The following PRKAG2 variants were observed in gnomAD, a reference collection of about 807,000 sequenced individuals.
PRKAG2 encodes protein kinase AMP-activated non-catalytic subunit gamma 2, also known as 5'-AMP-activated protein kinase subunit gamma-2.
In PRKAG2, 26 loss-of-function variants were observed where a neutral mutation model predicts 69.6. The observed-to-expected ratio is 0.37, with a 90% CI of 0.27 to 0.52. The LOEUF (loss-of-function observed/expected upper bound fraction) is 0.52. Ranked by LOEUF, PRKAG2 falls within the 20% of genes least tolerant of loss-of-function variation. PRKAG2 has a pLI of 0.90. For missense variants in PRKAG2, 557 were observed against 740.0 expected (o/e 0.75, Z 2.87); for synonymous variants, 293 against 285.0 (o/e 1.03, Z -0.28).
rs1009310717 is a variant in PRKAG2 at position 151,638,430 on chromosome 7, C to A, written c.685-6292G>T. ...CGGGCGGATCACAAGGTCAGGAGAT[C>A]GAGACCATCCTGGCCAACATGGTGA... On this transcript the variant is annotated intron_variant, in intron 4 of 15. Coordinates refer to ENST00000287878, the MANE Select transcript of PRKAG2 (RefSeq NM_016203.4). This position sits in a 1 kb window ranked among gnomAD's most constrained non-coding sequence, Gnocchi z 4.3. Among the ~76,000 whole-genome samples the A allele has an allele frequency of 6.6e-6, 1 of 152,088 alleles. No homozygotes were observed. The highest frequency in any genetic ancestry group is 2.4e-5 in the African/African-American group (1 of 41,400).
Position 151,807,588 on chromosome 7 carries a change from G to T in PRKAG2, c.115-21047C>A, listed in dbSNP as rs916480930. ...GCGTAGATGCACAGCTGCCACGGAG[G>T]TAGGAAGAATGATTCGTTTGCCACC... On this transcript the variant is annotated intron_variant, in intron 1 of 15. Coordinates refer to ENST00000287878, the MANE Select transcript of PRKAG2 (RefSeq NM_016203.4). This position sits in a 1 kb window ranked among gnomAD's most constrained non-coding sequence, Gnocchi z 4.4. 2.2e-6 allele frequency: 1 copy of T among 457,730 alleles called. No homozygotes were observed. The highest frequency in any genetic ancestry group is 4.4e-6 in the Non-Finnish European group (1 of 226,984). 28.4% of individuals were successfully genotyped at this position (457,730 alleles called of 1,614,324 possible).
intron 4 of PRKAG2, among the ~76,000 whole-genome samples, chr7:151,639,895 A>G (rs999294150): frequency 2.6e-5 from 4 of 152,066 alleles, no homozygotes; most frequent in Non-Finnish European, 5.9e-5. Context: ...CAGTCAGTCA[A>G]TCAATCAATC....
chr7:151,676,001 T>C (rs1383476742), intron 3 of PRKAG2, among the ~76,000 whole-genome samples: 1 of 152,152 alleles, frequency 6.6e-6, no homozygotes, highest in Non-Finnish European at 1.5e-5. Flanking sequence ...ATCCCCTCAT[T>C]GGGAACGGGG....
intron 3 of PRKAG2, among the ~76,000 whole-genome samples, chr7:151,701,177 G>A (rs1037616679): frequency 6.6e-6 from 1 of 152,186 alleles, no homozygotes; most frequent in Non-Finnish European, 1.5e-5. Flanking sequence ...TCACTGGGCC[G>A]GGGGAGGAGG....
intron 3 of PRKAG2, among the ~76,000 whole-genome samples, chr7:151,710,288 A>G (rs1371279075): frequency 6.6e-6 from 1 of 152,114 alleles, no homozygotes; most frequent in Non-Finnish European, 1.5e-5. Flanking sequence ...GCCTGTCTCT[A>G]TCTCAGTGCG....
Position 151,807,634 on chromosome 7 carries a change from AG to A in PRKAG2, c.115-21094del, listed in dbSNP as rs2078182779. On this transcript the variant is annotated intron_variant, in intron 1 of 15. Transcript: ENST00000287878. This position sits in a 1 kb window ranked among gnomAD's most constrained non-coding sequence, Gnocchi z 4.4. ...CCACCAAAAGCCCAGTTTCTCCAAC[AG>A]GTAAGTCCCAGCAGGGTGCGATGTC... 2.2e-6 allele frequency: 1 copy of A among 457,626 alleles called. No homozygotes were observed. The highest frequency in any genetic ancestry group is 2.0e-5 in the African/African-American group (1 of 50,086). 28.3% of individuals were successfully genotyped at this position (457,626 alleles called of 1,614,324 possible).
intron 6 of PRKAG2, among the ~76,000 whole-genome samples, chr7:151,586,958 C>T (rs1162824074): frequency 1.3e-5 from 2 of 152,086 alleles, no homozygotes; most frequent in South Asian, 2.1e-4. Context: ...GTCAGGAGTT[C>T]GAGACCAGAC....
intron 8 of PRKAG2, among the ~76,000 whole-genome samples, chr7:151,573,845 C>T (rs1341986382): frequency 6.6e-6 from 1 of 152,174 alleles, no homozygotes; most frequent in East Asian, 1.9e-4. Flanking sequence ...ATGGCGCGAT[C>T]TCGGCTCACT....
chr7:151,601,575 A>T (rs958741920), intron 5 of PRKAG2, among the ~76,000 whole-genome samples: 1 of 152,156 alleles, frequency 6.6e-6, no homozygotes, highest in Non-Finnish European at 1.5e-5. Context: ...GCTATGAGGG[A>T]GGATGCTCTG....
intron 6 of PRKAG2, among the ~76,000 whole-genome samples, chr7:151,592,893 C>T (rs1035440294): frequency 2.1e-4 from 32 of 152,118 alleles, no homozygotes; most frequent in African/African-American, 7.5e-4. Flanking sequence ...TTTTCAAATA[C>T]ATCTTTTTAC....
Position 151,781,718 on chromosome 7 carries a change from G to A in PRKAG2, c.187-287C>T, listed in dbSNP as rs112201244. Reference sequence around the variant, plus strand: ...CTTCCAGGAGGTAGAGGGGAGGAAGGGAAGCGGAGCTCAAAATGAGCGTCT... The same window carrying A: ...CTTCCAGGAGGTAGAGGGGAGGAAGAGAAGCGGAGCTCAAAATGAGCGTCT... On this transcript the variant is annotated intron_variant, in intron 2 of 15. Transcript: ENST00000287878. The surrounding 1 kb of genome is among the most constrained non-coding windows in gnomAD (Gnocchi z 6.1). Among the ~76,000 whole-genome samples the A allele has an allele frequency of 1.5e-3, 224 of 152,298 alleles. No homozygotes were observed. The highest frequency in any genetic ancestry group is 4.3e-3 in the African/African-American group (177 of 41,572).
intron 13 of PRKAG2, 117 bp downstream of exon 13, chr7:151,565,229 C>T (rs1206195073): frequency 2.3e-6 from 2 of 868,720 alleles, no homozygotes; most frequent in African/African-American, 1.7e-5. Flanking sequence ...AATATCCTCA[C>T]ACCCCAAAAG....
At chr7:151,726,477 G>C (rs1028009344) in intron 3 of PRKAG2, among the ~76,000 whole-genome samples, 1 of 151,914 alleles carries the variant, frequency 6.6e-6, no homozygotes, top group Non-Finnish European at 1.5e-5. Context: ...ATCTTAGTAC[G>C]AGTCCAACAG....
At chr7:151,834,725 G>T (rs1167514218) in intron 1 of PRKAG2, among the ~76,000 whole-genome samples, 3 of 152,126 alleles carry the variant, frequency 2.0e-5, no homozygotes, top group African/African-American at 7.2e-5. Flanking sequence ...GGAGTGGAGG[G>T]AGTGTGGAGG....
intron 3 of PRKAG2, among the ~76,000 whole-genome samples, chr7:151,774,665 G>C (rs943408665): frequency 3.3e-5 from 5 of 152,174 alleles, no homozygotes; most frequent in Non-Finnish European, 7.3e-5. Context: ...AAATTAGCCA[G>C]GTGTGGTGGC....
intron 3 of PRKAG2, among the ~76,000 whole-genome samples, chr7:151,726,701 A>C (rs1346282868): frequency 6.8e-6 from 1 of 146,274 alleles, no homozygotes; most frequent in East Asian, 1.9e-4. Flanking sequence ...AAGCCAGACC[A>C]AAAAAAAATC....
At chr7:151,563,731 C>T (rs1031999226) in intron 14 of PRKAG2, among the ~76,000 whole-genome samples, 4 of 152,194 alleles carry the variant, frequency 2.6e-5, no homozygotes, top group Non-Finnish European at 5.9e-5. Flanking sequence ...AGGTCCAAGC[C>T]ACCATGCCCA....
intron 5 of PRKAG2, among the ~76,000 whole-genome samples, chr7:151,624,502 C>T (rs1822376912): frequency 6.6e-6 from 1 of 152,010 alleles, no homozygotes; most frequent in Non-Finnish European, 1.5e-5. Context: ...CCAAAAGGTT[C>T]CCAGACTAGT....
At position 151,823,249 on chromosome 7, in the gene PRKAG2, T is replaced by TC. The variant is rs1345526177; in HGVS notation, c.115-36709_115-36708insG. Among the ~76,000 whole-genome samples, 6 of 151,618 alleles carry TC rather than the reference T, an allele frequency of 4.0e-5. No individual in the cohort carries two copies. The East Asian group carries it at 1.2e-3, about 29-fold the overall frequency. On this transcript the variant is annotated intron_variant, in intron 1 of 15. Coordinates refer to ENST00000287878, the MANE Select transcript of PRKAG2 (RefSeq NM_016203.4). The stretch of plus-strand genomic sequence containing the variant: ...TACAGGGATTTTGTATCAACATTTT[T>TC]TTTTCCAAAAATTGAATAAACACTA...
Sources: gnomAD v4.1 joint callset for allele counts (sites outside exome capture counted in the v4.1 genomes callset) on GRCh38, gnomAD v4.1.1 for gene constraint, Gnocchi (gnomAD v3.1) non-coding constraint, MANE v1.5 for transcripts, NCBI Gene and HGNC (gene_info 2026-07-23, HGNC 2026-07-21) for gene names.